CDC42EP3: variants seen among roughly 807,000 people sequenced by gnomAD.
CDC42EP3 encodes the protein CDC42 effector protein 3, also known as CDC42 effector protein (Rho GTPase binding) 3.
Under a neutral mutation model 15.5 loss-of-function variants are expected in CDC42EP3, and 4 were observed. The observed-to-expected ratio is 0.26, with a 90% confidence interval of 0.13 to 0.59. CDC42EP3 has a LOEUF of 0.59. Ranked by LOEUF, CDC42EP3 falls within the 20% of genes least tolerant of loss-of-function variation. The probability of loss-of-function intolerance (pLI) is 0.89; values close to 1 mark genes in which losing one functional copy is unlikely to be tolerated. For missense variants in CDC42EP3, 309 were observed against 311.2 expected (o/e 0.99, Z 0.05); for synonymous variants, 145 against 130.3 (o/e 1.11, Z -0.77).
intron 1 of CDC42EP3, among the ~76,000 whole-genome samples, chr2:37,653,328 C>T (rs537519745): frequency 3.9e-5 from 6 of 152,122 alleles, no homozygotes; most frequent in Admixed American, 6.6e-5. Flanking sequence ...GAGGAAGCTA[C>T]GGCCCTGGTT....
intron 1 of CDC42EP3, among the ~76,000 whole-genome samples, chr2:37,669,876 A>G (rs1192233846): frequency 6.6e-6 from 1 of 152,228 alleles, no homozygotes; most frequent in Non-Finnish European, 1.5e-5. Flanking sequence ...TTTATTTCAC[A>G]TATGAAAATG....
At chr2:37,658,257 A>G (rs6722589) in intron 1 of CDC42EP3, among the ~76,000 whole-genome samples, 43,394 of 152,152 alleles carry the variant, frequency 0.29, 6,678 homozygotes, top group East Asian at 0.59. Flanking sequence ...CAGAAGTTGG[A>G]AGCAAGATCT....
At chr2:37,665,067 G>A (rs758977454) in intron 1 of CDC42EP3, among the ~76,000 whole-genome samples, 2 of 151,838 alleles carry the variant, frequency 1.3e-5, no homozygotes, top group Non-Finnish European at 2.9e-5. Flanking sequence ...TAAAAGTTAG[G>A]CCTATTACTG....
At chr2:37,661,981 G>A (rs1487003477) in intron 1 of CDC42EP3, among the ~76,000 whole-genome samples, 2 of 152,004 alleles carry the variant, frequency 1.3e-5, no homozygotes, top group Non-Finnish European at 2.9e-5. Context: ...TATCATGTCA[G>A]AATGAGACTG....
intron 1 of CDC42EP3, among the ~76,000 whole-genome samples, chr2:37,659,304 C>T (rs977092327): frequency 2.6e-5 from 4 of 152,190 alleles, no homozygotes; most frequent in Admixed American, 6.5e-5. Context: ...ATGATTCTTA[C>T]AGAAGAAAAC....
chr2:37,651,392 C>G (rs186388193), intron 1 of CDC42EP3, among the ~76,000 whole-genome samples: 4 of 152,142 alleles, frequency 2.6e-5, no homozygotes, highest in Non-Finnish European at 5.9e-5. Context: ...CCTGGAGAGC[C>G]AATTTTATAC....
At chr2:37,657,843 G>A (rs1004523464) in intron 1 of CDC42EP3, among the ~76,000 whole-genome samples, 12 of 152,116 alleles carry the variant, frequency 7.9e-5, no homozygotes, top group Non-Finnish European at 1.6e-4. Context: ...TAGAAGCCAG[G>A]AATGCTGCTA....
At chr2:37,662,525 C>T (rs1666089970) in intron 1 of CDC42EP3, among the ~76,000 whole-genome samples, 1 of 152,088 alleles carries the variant, frequency 6.6e-6, no homozygotes, top group African/African-American at 2.4e-5. Context: ...GTTCTGGGTT[C>T]AATAGTCTAA....
At chr2:37,660,710 G>A (rs572301763) in intron 1 of CDC42EP3, among the ~76,000 whole-genome samples, 159 of 151,742 alleles carry the variant, frequency 1.0e-3, no homozygotes, top group Non-Finnish European at 1.8e-3. Context: ...ACTTTTTAAG[G>A]AAAAAGGAAG....
At position 37,646,239 on chromosome 2, in the gene CDC42EP3, C is replaced by A. The variant is rs189993214; in HGVS notation, c.349G>T (p.Ala117Ser). ...ISLPTIGGSQ[A>S]LMLPLLSPVT... ...GGTGACAATAAGGGCAACATGAGAGCTTGGGATCCTCCAATGGTCGGGAGG... is the reference window on the plus strand; with the variant it reads ...GGTGACAATAAGGGCAACATGAGAGATTGGGATCCTCCAATGGTCGGGAGG... The change falls in exon 2 of 2, where the codon GCT becomes TCT. Residue 117 changes from alanine to serine, a missense_variant. By Grantham distance (99) the Ala-to-Ser change is moderately conservative. Transcript: ENST00000295324. 1 of 1,614,144 alleles carries A rather than the reference C, an allele frequency of 6.2e-7. No homozygotes were observed. The highest frequency in any genetic ancestry group is 1.3e-5 in the African/African-American group (1 of 75,016).
At chr2:37,651,626 A>T (rs1665680373) in intron 1 of CDC42EP3, among the ~76,000 whole-genome samples, 1 of 152,216 alleles carries the variant, frequency 6.6e-6, no homozygotes, top group Admixed American at 6.5e-5. Flanking sequence ...GTACTTTGTA[A>T]AAGGGAAGAG....
intron 1 of CDC42EP3, among the ~76,000 whole-genome samples, chr2:37,655,986 C>A (rs987242894): frequency 3.3e-5 from 5 of 152,230 alleles, no homozygotes; most frequent in Non-Finnish European, 4.4e-5. Context: ...AGATTATGGT[C>A]ATTTAACCCA....
chr2:37,648,344 C>T (rs896548766), intron 1 of CDC42EP3, among the ~76,000 whole-genome samples: 39 of 152,212 alleles, frequency 2.6e-4, no homozygotes, highest in African/African-American at 9.4e-4. Context: ...TTGAAGGGAG[C>T]CACATTTGCT....
chr2:37,654,220 G>A (rs1396164037), intron 1 of CDC42EP3, among the ~76,000 whole-genome samples: 1 of 152,072 alleles, frequency 6.6e-6, no homozygotes, highest in South Asian at 2.1e-4. Context: ...CAAGCGCCCA[G>A]AACATGATCC....
intron 1 of CDC42EP3, among the ~76,000 whole-genome samples, chr2:37,649,846 T>G (rs1238103724): frequency 1.3e-5 from 2 of 152,056 alleles, no homozygotes; most frequent in Non-Finnish European, 2.9e-5. Flanking sequence ...AGAAAAGGGT[T>G]GGTGGGGAGG....
chr2:37,656,496 A>G (rs374187727), intron 1 of CDC42EP3, among the ~76,000 whole-genome samples: 81 of 152,328 alleles, frequency 5.3e-4, no homozygotes, highest in African/African-American at 1.9e-3. Context: ...AAAGTGACAA[A>G]TCTGAAATGC....
chr2:37,667,618 C>T (rs556077541), intron 1 of CDC42EP3, among the ~76,000 whole-genome samples: 18 of 152,318 alleles, frequency 1.2e-4, no homozygotes, highest in Non-Finnish European at 7.3e-5. Flanking sequence ...GCTAGATCCA[C>T]TTTCATGCCA....
Position 37,646,679 on chromosome 2 carries a change from C to T in CDC42EP3, c.-92G>A. 1.6e-6 allele frequency: 2 copies of T among 1,230,250 alleles called. No homozygotes were observed. Among genetic ancestry groups the T allele is most frequent in the Non-Finnish European group, 2.3e-6 (2 of 883,664 alleles). The allele number at this position is 1,230,250 out of a possible 1,614,324, so 76.2% of individuals were successfully genotyped here. A position where few individuals can be genotyped will look rare whatever the true frequency, so the allele number is the denominator to read the frequency against. On this transcript the variant is annotated 5_prime_UTR_variant, in exon 2 of 2. Transcript: ENST00000295324. ...GTTTCTGAATCCTTTTTGATAGGAA[C>T]TGTCACATCATTTTTCTCAAGTGGC...
Position 37,646,258 on chromosome 2 carries a change from C to T in CDC42EP3, c.330G>A (p.Pro110=), listed in dbSNP as rs140370566. The T allele has an allele frequency of 2.2e-5, 35 of 1,613,942 alleles. No individual in the cohort carries two copies. In the African/African-American group the frequency reaches 2.9e-4, roughly 14 times the overall value. ...TGAGAGCTTGGGATCCTCCAATGGT[C>T]GGGAGGGAGATGGCATTTTTGAGCA... is the stretch of plus-strand genomic sequence containing the variant. ...SPVLKNAISL[P]TIGGSQALML... The change falls in exon 2 of 2, where the codon CCG becomes CCA. Residue 110 remains proline (P), a synonymous_variant. Coordinates refer to ENST00000295324, the MANE Select transcript of CDC42EP3 (RefSeq NM_006449.5).
Sources: allele counts gnomAD v4.1 joint callset (sites outside exome capture counted in the v4.1 genomes callset), GRCh38; gene constraint gnomAD v4.1.1; transcripts MANE v1.5; gene names NCBI Gene and HGNC (gene_info 2026-07-23, HGNC 2026-07-21).